EIF4B: variants seen among roughly 807,000 people sequenced by gnomAD.
The protein encoded by EIF4B is eukaryotic translation initiation factor 4B.
In EIF4B, 8 loss-of-function variants were observed where a neutral mutation model predicts 79.3. That is an observed-to-expected ratio of 0.10 (90% CI 0.06 to 0.18). EIF4B has a LOEUF of 0.18. EIF4B is among the 10% of genes least tolerant of loss of function. The pLI is 1.00. For synonymous variants in EIF4B, 238 were observed against 274.7 expected (o/e 0.87, Z 1.32); for missense variants, 515 against 792.4 (o/e 0.65, Z 4.20).
chr12:53,014,160 G>GCA (rs1205771043), intron 1 of EIF4B, among the ~76,000 whole-genome samples: 3 of 151,682 alleles, frequency 2.0e-5, no homozygotes, highest in Non-Finnish European at 4.4e-5. Flanking sequence ...GGCCGGGCGC[G>GCA]TTGGCTCACG....
In EIF4B at chr12:53,021,863, A is replaced by G; in HGVS notation, c.532+3A>G. On this transcript the variant is annotated splice_donor_region_variant and intron_variant, in intron 5 of 14. Coordinates refer to ENST00000262056, the MANE Select transcript of EIF4B (RefSeq NM_001417.7). ...TGCTGATCAAGCACAGGATAAAGGT[A>G]AGGAAACTGGTAGAGATTTCTGTTT... is the stretch of plus-strand genomic sequence containing the variant. The G allele has an allele frequency of 6.2e-7, 1 of 1,614,212 alleles. No homozygotes were observed.
chr12:53,027,136 A>ATGTTTTTTTTTTTTTTTTT (rs777111413), intron 6 of EIF4B, among the ~76,000 whole-genome samples: 1 of 29,444 alleles, frequency 3.4e-5, no homozygotes. Context: ...AAAAAAAAAA[A>ATGTTTTTTTTTTTTTTTTT]ATTTTTTTTT....
chr12:53,017,000 C>A (rs1046301639), intron 2 of EIF4B, among the ~76,000 whole-genome samples: 2 of 152,140 alleles, frequency 1.3e-5, no homozygotes, highest in Non-Finnish European at 2.9e-5. Flanking sequence ...CACCTGTAAT[C>A]CCAGCACTTT....
At chr12:53,013,208 A>G (rs537287462) in intron 1 of EIF4B, among the ~76,000 whole-genome samples, 1 of 152,290 alleles carries the variant, frequency 6.6e-6, no homozygotes, top group African/African-American at 2.4e-5. Context: ...GAGGAAAGGG[A>G]TACCTTATTC....
chr12:53,034,078 C>T (rs1325712431), intron 9 of EIF4B, 44 bp downstream of exon 9: 2 of 1,548,910 alleles, frequency 1.3e-6, no homozygotes, highest in Non-Finnish European at 1.8e-6. Context: ...TCCGGTGGTT[C>T]GTAATGGGGG....
At chr12:53,028,251 G>A in intron 8 of EIF4B, 63 bp downstream of exon 8, 2 of 1,520,938 alleles carry the variant, frequency 1.3e-6, no homozygotes. Context: ...GAAAATTTGT[G>A]ATTGTGTTAC....
At chr12:53,013,444 G>T (rs1943097807) in intron 1 of EIF4B, 1 of 152,188 alleles carries the variant, frequency 6.6e-6, no homozygotes, top group Non-Finnish European at 1.5e-5. Context: ...ACTGTAAGTG[G>T]TTTACCTCAT....
chr12:53,042,166 T>A lies in EIF4B; in HGVS notation c.*1943T>A, dbSNP rs1943651029. The A allele has an allele frequency of 6.6e-6, 1 of 152,648 alleles. No individual in the cohort carries two copies. The highest frequency in any genetic ancestry group is 2.4e-5 in the African/African-American group (1 of 41,462). The allele number at this position is 152,648 out of a possible 1,614,324, so 9.5% of individuals were successfully genotyped here. ...ATGTAAAATCCCATCCTTTGGGTTG[T>A]GGGTTTTTTGTTTTCTCCAAATAAA... On this transcript the variant is annotated 3_prime_UTR_variant, in exon 15 of 15. Transcript: ENST00000262056.
Position 53,027,834 on chromosome 12 carries a change from G to C in EIF4B, c.720G>C (p.Gly240=). Residue 240 remains glycine (G), a synonymous_variant, in exon 7 of 15, where the codon GGG becomes GGC. Transcript: ENST00000262056. ...SDRYRDGYRD[G]YRDGPRRDMD... ...GGTATCGGGATGGGTATCGGGATGGGTATCGGGATGGCCCACGCCGGGATA... is the reference window on the plus strand; with the variant it reads ...GGTATCGGGATGGGTATCGGGATGGCTATCGGGATGGCCCACGCCGGGATA... 9.3e-6 allele frequency: 15 copies of C among 1,612,478 alleles called. No individual in the cohort carries two copies. Among genetic ancestry groups the C allele is most frequent in the Non-Finnish European group, 1.3e-5 (15 of 1,179,006 alleles).
chr12:53,034,037 G>A lies in EIF4B; in HGVS notation c.1208+3G>A. 1 of 1,605,436 alleles carries A rather than the reference G, an allele frequency of 6.2e-7. No homozygotes were observed. The highest frequency in any genetic ancestry group is 2.2e-5 in the East Asian group (1 of 44,760). On this transcript the variant is annotated splice_donor_region_variant and intron_variant, in intron 9 of 14. Coordinates refer to ENST00000262056, the MANE Select transcript of EIF4B (RefSeq NM_001417.7). ...CTAGAACGACGGCCTCGGGAGAGGTGTGTTGTCTTGATGGATATCCCATCT... is the reference window on the plus strand; with the variant it reads ...CTAGAACGACGGCCTCGGGAGAGGTATGTTGTCTTGATGGATATCCCATCT...
At chr12:53,016,052 A>G (rs1490887714) in intron 1 of EIF4B, among the ~76,000 whole-genome samples, 4 of 152,206 alleles carry the variant, frequency 2.6e-5, no homozygotes, top group African/African-American at 4.8e-5. Context: ...ACAGTCTTCA[A>G]AACTGCCATA....
intron 4 of EIF4B, 141 bp from the exon 5 acceptor site, chr12:53,021,665 A>G: frequency 1.0e-6 from 1 of 969,232 alleles, no homozygotes; most frequent in Non-Finnish European, 1.7e-6. Flanking sequence ...TAGCCCACAA[A>G]TTGGAGTGTT....
At chr12:53,021,916 C>T (rs367580834) in intron 5 of EIF4B, 56 bp downstream of exon 5, 1 of 1,604,044 alleles carries the variant, frequency 6.2e-7, no homozygotes, top group African/African-American at 1.3e-5. Context: ...GACACCAAGC[C>T]ATCCTTTCCC....
intron 10 of EIF4B, among the ~76,000 whole-genome samples, chr12:53,035,036 A>G (rs1197338406): frequency 6.7e-6 from 1 of 148,236 alleles, no homozygotes; most frequent in African/African-American, 2.5e-5. Flanking sequence ...AGAACAGTCA[A>G]CGGCTTGGAG....
intron 8 of EIF4B, among the ~76,000 whole-genome samples, chr12:53,031,094 C>T (rs1943436717): frequency 6.6e-6 from 1 of 152,218 alleles, no homozygotes; most frequent in Admixed American, 6.5e-5. Context: ...TGGCCATTGC[C>T]TCCTAACAGA....
chr12:53,013,282 C>A (rs976374356), intron 1 of EIF4B, among the ~76,000 whole-genome samples: 1 of 152,148 alleles, frequency 6.6e-6, no homozygotes, highest in East Asian at 1.9e-4. Context: ...CTGTTTTTAT[C>A]CTCCCAGTGG....
At chr12:53,038,494 G>A in intron 12 of EIF4B, 83 bp downstream of exon 12, 1 of 1,367,816 alleles carries the variant, frequency 7.3e-7, no homozygotes, top group Non-Finnish European at 1.0e-6. Flanking sequence ...GAAGAGCAGT[G>A]TGTCTCGCAC....
At chr12:53,038,206 G>A in intron 11 of EIF4B, 150 bp from the exon 12 acceptor site, 1 of 589,996 alleles carries the variant, frequency 1.7e-6, no homozygotes. Context: ...TGCTTTCATT[G>A]TAATCTTTCC....
intron 3 of EIF4B, among the ~76,000 whole-genome samples, chr12:53,019,471 T>C (rs1445396161): frequency 5.9e-5 from 8 of 134,844 alleles, no homozygotes; most frequent in African/African-American, 2.2e-4. Context: ...TTTTTTTTTT[T>C]TTTGAGACAG....
Sources: gnomAD v4.1 joint callset for allele counts (sites outside exome capture counted in the v4.1 genomes callset) on GRCh38, gnomAD v4.1.1 for gene constraint, MANE v1.5 for transcripts, NCBI Gene and HGNC (gene_info 2026-07-23, HGNC 2026-07-21) for gene names.